Variants in GUCY1A2 observed in about 807,000 individuals in gnomAD.
GUCY1A2 encodes guanylate cyclase soluble subunit alpha-2.
In GUCY1A2, 27 loss-of-function variants were observed where a neutral mutation model predicts 63.5. That is an observed-to-expected ratio of 0.43 (90% CI 0.31 to 0.59). GUCY1A2 has a LOEUF of 0.59. Among genes scored for constraint, GUCY1A2 ranks in the 20% least tolerant of loss-of-function variants. The pLI is 0.11. For synonymous variants in GUCY1A2, 364 were observed against 343.5 expected, an observed-to-expected ratio of 1.06 and a Z score of -0.66; for missense variants, 768 against 913.3, an observed-to-expected ratio of 0.84 and a Z score of 2.05.
intron 4 of GUCY1A2, among the ~76,000 whole-genome samples, chr11:106,868,933 AG>A (rs1859634710): frequency 1.3e-5 from 2 of 152,214 alleles, no homozygotes; most frequent in African/African-American, 4.8e-5. Flanking sequence ...AACAGAACAG[AG>A]TCCTCAGAAA....
intron 6 of GUCY1A2, among the ~76,000 whole-genome samples, chr11:106,772,396 G>T: frequency 6.6e-6 from 1 of 152,008 alleles, no homozygotes; most frequent in East Asian, 1.9e-4. Context: ...CATAATAAAA[G>T]ATTCTCTCAA....
At chr11:106,965,476 GAA>G (rs1453273324) in intron 3 of GUCY1A2, among the ~76,000 whole-genome samples, 2 of 152,130 alleles carry the variant, frequency 1.3e-5, no homozygotes, top group Non-Finnish European at 2.9e-5. Context: ...TGTATATGGA[GAA>G]AAAGAAAACA....
chr11:106,759,037 A>G (rs866738367), intron 6 of GUCY1A2, among the ~76,000 whole-genome samples: 2 of 152,132 alleles, frequency 1.3e-5, no homozygotes, highest in Middle Eastern at 3.2e-3. Context: ...AAAGTCAAAC[A>G]AATGTAGTGA....
At chr11:106,815,310 T>C (rs1254612977) in intron 4 of GUCY1A2, among the ~76,000 whole-genome samples, 1 of 152,006 alleles carries the variant, frequency 6.6e-6, no homozygotes, top group Non-Finnish European at 1.5e-5. Flanking sequence ...TCCACATTCA[T>C]ATCCTAAGAG....
chr11:106,944,974 G>C lies in GUCY1A2; in HGVS notation c.488-4796C>G, dbSNP rs1349722045. Among the ~76,000 whole-genome samples, 3 of 151,822 alleles carry C rather than the reference G, an allele frequency of 2.0e-5. No homozygotes were observed. The East Asian group carries it at 5.8e-4, about 29-fold the overall frequency. ...CAACCTCTAAAAACACTATAATGTA[G>C]AATGAGAAAAAAGAAACCAATGGAA... On this transcript the variant is annotated intron_variant, in intron 3 of 7. Coordinates refer to ENST00000526355, the MANE Select transcript of GUCY1A2 (RefSeq NM_000855.3).
intron 6 of GUCY1A2, among the ~76,000 whole-genome samples, chr11:106,734,326 T>A (rs1863553096): frequency 6.6e-6 from 1 of 152,142 alleles, no homozygotes; most frequent in Admixed American, 6.5e-5. Context: ...GCTTACCTCA[T>A]GCCTCTGCCC....
chr11:106,754,308 C>T (rs1255171629), intron 6 of GUCY1A2, among the ~76,000 whole-genome samples: 2 of 152,262 alleles, frequency 1.3e-5, no homozygotes, highest in South Asian at 2.1e-4. Context: ...CAAACAGAGA[C>T]AATTTGACTT....
intron 4 of GUCY1A2, among the ~76,000 whole-genome samples, chr11:106,925,862 A>C (rs1860514479): frequency 6.6e-6 from 1 of 152,214 alleles, no homozygotes; most frequent in Non-Finnish European, 1.5e-5. Context: ...AGATAGACAA[A>C]ATTGGGGAAT....
chr11:106,895,324 C>T (rs1447773397), intron 4 of GUCY1A2, among the ~76,000 whole-genome samples: 1 of 152,046 alleles, frequency 6.6e-6, no homozygotes, highest in East Asian at 1.9e-4. Context: ...TAAATTATAC[C>T]ATGCCATTTT....
At chr11:106,951,691 G>C (rs905074951) in intron 3 of GUCY1A2, among the ~76,000 whole-genome samples, 1 of 152,146 alleles carries the variant, frequency 6.6e-6, no homozygotes, top group Non-Finnish European at 1.5e-5. Context: ...TAGGTTGCCT[G>C]TTCACTCTGA....
At chr11:106,983,816 C>T (rs1366040029) in intron 2 of GUCY1A2, among the ~76,000 whole-genome samples, 3 of 152,160 alleles carry the variant, frequency 2.0e-5, no homozygotes, top group Admixed American at 6.5e-5. Flanking sequence ...TTATGCTTGT[C>T]GGCACTTACT....
At position 106,935,607 on chromosome 11, in the gene GUCY1A2, A is replaced by G. The variant is rs1056873324; in HGVS notation, c.1206+3853T>C. Among the ~76,000 whole-genome samples the G allele has an allele frequency of 4.4e-4, 67 of 152,162 alleles. 1 individual carries two copies. Among genetic ancestry groups the G allele is most frequent in the Non-Finnish European group, 9.1e-4 (62 of 68,014 alleles). The stretch of plus-strand genomic sequence containing the variant: ...GTGATCCCAGCAATTTGATAGGCCA[A>G]GGTGGGTGGATCACCTGAGGTCAGG... On this transcript the variant is annotated intron_variant, in intron 4 of 7. Coordinates refer to ENST00000526355, the MANE Select transcript of GUCY1A2 (RefSeq NM_000855.3).
At chr11:106,899,977 T>C (rs1269611169) in intron 4 of GUCY1A2, among the ~76,000 whole-genome samples, 5 of 150,302 alleles carry the variant, frequency 3.3e-5, no homozygotes, top group Non-Finnish European at 7.4e-5. Flanking sequence ...TCCCAGCTAA[T>C]CGGGAGGCTG....
At chr11:106,756,801 T>C (rs1863982151) in intron 6 of GUCY1A2, among the ~76,000 whole-genome samples, 2 of 152,204 alleles carry the variant, frequency 1.3e-5, no homozygotes, top group South Asian at 4.1e-4. Flanking sequence ...ATTTCAACCA[T>C]GGTGAATCTG....
chr11:106,787,018 TG>T (rs1256942260), intron 5 of GUCY1A2, among the ~76,000 whole-genome samples: 4 of 152,190 alleles, frequency 2.6e-5, no homozygotes, highest in Non-Finnish European at 5.9e-5. Context: ...TGTTAATTGA[TG>T]TCACAAAAGT....
In GUCY1A2 at chr11:106,685,420, C is replaced by T. The variant is rs559684144; in HGVS notation, c.*2129G>A. On this transcript the variant is annotated 3_prime_UTR_variant, in exon 8 of 8. Transcript: ENST00000526355. ...AATAAATATGTGTTTAGAGTAGTTG[C>T]TTAGACAAATCTTTATAAAAAGTGA... 94 of 219,022 alleles carry T rather than the reference C, an allele frequency of 4.3e-4. No individual in the cohort carries two copies. The highest frequency in any genetic ancestry group is 4.1e-3 in the South Asian group (22 of 5,412). 13.6% of individuals were successfully genotyped at this position (219,022 alleles called of 1,614,324 possible). A position where few individuals can be genotyped will look rare whatever the true frequency, so the allele number is the denominator to read the frequency against.
chr11:106,709,451 T>G (rs1389160072), intron 6 of GUCY1A2, among the ~76,000 whole-genome samples: 1 of 96,980 alleles, frequency 1.0e-5, no homozygotes, highest in African/African-American at 4.3e-5. Flanking sequence ...TAATATATAT[T>G]CTATATTTAT....
chr11:106,724,541 A>G (rs1863371494), intron 6 of GUCY1A2, among the ~76,000 whole-genome samples: 1 of 152,112 alleles, frequency 6.6e-6, no homozygotes, highest in African/African-American at 2.4e-5. Context: ...TTGAGTGCTT[A>G]TTCCAACCAC....
chr11:106,888,673 T>C (rs1315695711), intron 4 of GUCY1A2, among the ~76,000 whole-genome samples: 1 of 152,200 alleles, frequency 6.6e-6, no homozygotes, highest in Non-Finnish European at 1.5e-5. Context: ...ATCTAATTCA[T>C]CATTTCTGGT....
Sources: allele counts gnomAD v4.1 joint callset (sites outside exome capture counted in the v4.1 genomes callset), GRCh38; gene constraint gnomAD v4.1.1; transcripts MANE v1.5; gene names NCBI Gene and HGNC (gene_info 2026-07-23, HGNC 2026-07-21).